The following RGS7 variants were observed in gnomAD, a reference collection of about 807,000 sequenced individuals.
The protein encoded by RGS7 is regulator of G protein signaling 7.
Under a neutral mutation model 81.1 loss-of-function variants are expected in RGS7, and 27 were observed. The observed-to-expected ratio is 0.33, with a 90% CI of 0.25 to 0.46. RGS7 has a LOEUF of 0.46. Among genes scored for constraint, RGS7 ranks in the 20% least tolerant of loss-of-function variants. RGS7 has a pLI of 1.00. For missense variants in RGS7, 396 were observed against 607.4 expected (o/e 0.65, Z 3.66); for synonymous variants, 208 against 207.7 (o/e 1.00, Z -0.01).
chr1:240,962,241 T>G (rs1346148440), intron 4 of RGS7, among the ~76,000 whole-genome samples: 2 of 152,138 alleles, frequency 1.3e-5, no homozygotes, highest in Non-Finnish European at 2.9e-5. Flanking sequence ...TAAGCTCTGG[T>G]GAATCTCCCT....
At position 241,038,776 on chromosome 1, in the gene RGS7, A is replaced by C. The variant is rs78873786; in HGVS notation, c.176-55647T>G. Among the ~76,000 whole-genome samples, 1,164 of 152,248 alleles carry C rather than the reference A, an allele frequency of 7.6e-3. 18 individuals are homozygous for C. Among genetic ancestry groups the C allele is most frequent in the African/African-American group, 0.027 (1,114 of 41,560 alleles). ...GAAGCCAAGGTGGGAGGACTGCTTAAGACCAGCCTGGGCAATACAGCGAGA... is the reference window on the plus strand; with the variant it reads ...GAAGCCAAGGTGGGAGGACTGCTTACGACCAGCCTGGGCAATACAGCGAGA... On this transcript the variant is annotated intron_variant, in intron 3 of 18. Transcript: ENST00000440928.
rs758531037 is a variant in RGS7, at chr1:240,983,118, C to T, written c.187G>A (p.Val63Ile). ...IPSVFSGSDI[V>I]QWLIKNLTIE... is the part of the protein sequence containing the mutation. ...GTTAAGTTCTTTATCAACCATTGAA[C>T]AATGTCTGAACCTAGAAAAAGAAAA... is the stretch of plus-strand genomic sequence containing the variant. The change falls in exon 4 of 19, where the codon GTT (valine) becomes ATT (isoleucine). Residue 63 changes from valine to isoleucine, a missense_variant. Val to Ile is a conservative substitution (Grantham distance 29, BLOSUM62 3). Transcript: ENST00000440928. 1 of 1,528,758 alleles carries T rather than the reference C, an allele frequency of 6.5e-7. No individual in the cohort carries two copies. The highest frequency in any genetic ancestry group is 9.0e-7 in the Non-Finnish European group (1 of 1,108,410). 94.7% of individuals were successfully genotyped at this position (1,528,758 alleles called of 1,614,324 possible). A position where few individuals can be genotyped will look rare whatever the true frequency, so the allele number is the denominator to read the frequency against.
intron 9 of RGS7, among the ~76,000 whole-genome samples, chr1:240,859,276 A>C (rs1572452930): frequency 6.6e-6 from 1 of 152,152 alleles, no homozygotes; most frequent in Admixed American, 6.5e-5. Context: ...CTGGGATTAC[A>C]GGCATGAGCC....
chr1:241,273,179 C>CG (rs1553305853), intron 2 of RGS7, among the ~76,000 whole-genome samples: 2 of 114,118 alleles, frequency 1.8e-5, no homozygotes, highest in Non-Finnish European at 2.0e-5. Flanking sequence ...TAATGAACCC[C>CG]CCCCCCCAAA....
rs945322101 is a variant in RGS7 at position 241,049,575 on chromosome 1, A to T, written c.175+49091T>A. Among the ~76,000 whole-genome samples the T allele has an allele frequency of 2.6e-5, 4 of 152,248 alleles. No homozygotes were observed. The East Asian group carries it at 7.7e-4, about 29-fold the overall frequency. ...TACCTTTAATCACAATTGTCTGTGGACAACTTTTGTAATATATCCCAATGT... is the reference window on the plus strand; with the variant it reads ...TACCTTTAATCACAATTGTCTGTGGTCAACTTTTGTAATATATCCCAATGT... On this transcript the variant is annotated intron_variant, in intron 3 of 18. Transcript: ENST00000440928.
chr1:240,809,927 T>C (rs1689556685), intron 14 of RGS7, among the ~76,000 whole-genome samples: 2 of 152,170 alleles, frequency 1.3e-5, no homozygotes, highest in African/African-American at 4.8e-5. Context: ...ATATAATCAC[T>C]TAGCCTAGAG....
intron 2 of RGS7, among the ~76,000 whole-genome samples, chr1:241,196,019 A>G (rs1311664673): frequency 6.6e-6 from 1 of 152,178 alleles, no homozygotes; most frequent in Non-Finnish European, 1.5e-5. Context: ...AAGAATACAA[A>G]GAAAACCACA....
intron 4 of RGS7, among the ~76,000 whole-genome samples, chr1:240,956,652 G>C (rs1376712186): frequency 6.6e-6 from 1 of 152,050 alleles, no homozygotes; most frequent in Admixed American, 6.6e-5. Context: ...CATGTTTATA[G>C]TGTACACACT....
Position 241,144,360 on chromosome 1 carries a change from A to G in RGS7, c.79-45598T>C, listed in dbSNP as rs72758861. Among the ~76,000 whole-genome samples, 807 of 152,240 alleles carry G rather than the reference A, an allele frequency of 5.3e-3. 2 individuals carry two copies. Among genetic ancestry groups the G allele is most frequent in the Admixed American group, 0.011 (172 of 15,288 alleles). ...CGCACAGGCACACACATCCAAATAC[A>G]CTGCAGGTAAGACCCACTACTACTA... On this transcript the variant is annotated intron_variant, in intron 2 of 18. Coordinates refer to ENST00000440928, the MANE Select transcript of RGS7 (RefSeq NM_001364886.1). The surrounding 1 kb of genome is among the most constrained non-coding windows in gnomAD (Gnocchi z 4.7).
chr1:241,104,011 C>A (rs2064944513), intron 2 of RGS7, among the ~76,000 whole-genome samples: 1 of 152,180 alleles, frequency 6.6e-6, no homozygotes, highest in South Asian at 2.1e-4. Flanking sequence ...GAGTTTGAAT[C>A]CTGACTGTAC....
chr1:241,091,375 C>T (rs1354761016), intron 3 of RGS7, among the ~76,000 whole-genome samples: 2 of 151,590 alleles, frequency 1.3e-5, no homozygotes, highest in South Asian at 2.1e-4. Flanking sequence ...GGTGAAACCC[C>T]GTCTCTATTA....
intron 2 of RGS7, among the ~76,000 whole-genome samples, chr1:241,304,151 A>C (rs2079940191): frequency 6.6e-6 from 1 of 152,190 alleles, no homozygotes; most frequent in Non-Finnish European, 1.5e-5. Context: ...GCCCGGGCTC[A>C]AACTTCTGAG....
At chr1:240,907,507 G>A (rs1367162464) in intron 6 of RGS7, among the ~76,000 whole-genome samples, 1 of 152,096 alleles carries the variant, frequency 6.6e-6, no homozygotes. Flanking sequence ...AGTTAGATAT[G>A]TGTTTCCTTT....
At chr1:240,863,346 G>T (rs1362780188) in intron 9 of RGS7, among the ~76,000 whole-genome samples, 1 of 152,058 alleles carries the variant, frequency 6.6e-6, no homozygotes, top group African/African-American at 2.4e-5. Context: ...GTGGTGGCAT[G>T]CGCCTGTAAT....
At chr1:241,313,547 A>T (rs2080680407) in intron 2 of RGS7, among the ~76,000 whole-genome samples, 1 of 152,272 alleles carries the variant, frequency 6.6e-6, no homozygotes, top group Admixed American at 6.5e-5. Context: ...ATGAAGATCT[A>T]TGAAAAGATT....
intron 2 of RGS7, among the ~76,000 whole-genome samples, chr1:241,237,834 G>A (rs1344511405): frequency 1.3e-5 from 2 of 152,194 alleles, no homozygotes; most frequent in African/African-American, 4.8e-5. Context: ...AAAGCTGTCA[G>A]TGCAGCTTTT....
chr1:240,990,996 T>C (rs1686373127), intron 3 of RGS7, among the ~76,000 whole-genome samples: 1 of 152,214 alleles, frequency 6.6e-6, no homozygotes, highest in South Asian at 2.1e-4. Flanking sequence ...ACAGAAAATG[T>C]TGGGTTTTGT....
At chr1:240,971,267 C>T (rs1267896189) in intron 4 of RGS7, among the ~76,000 whole-genome samples, 1 of 152,176 alleles carries the variant, frequency 6.6e-6, no homozygotes, top group Non-Finnish European at 1.5e-5. Flanking sequence ...TGACCTTGGA[C>T]TTCCCAGTTT....
chr1:241,195,837 A>C (rs2073030876), intron 2 of RGS7, among the ~76,000 whole-genome samples: 1 of 152,124 alleles, frequency 6.6e-6, no homozygotes, highest in Admixed American at 6.5e-5. Context: ...AAGAGCATGC[A>C]AAATTTATGG....
Sources: gnomAD v4.1 joint callset for allele counts (sites outside exome capture counted in the v4.1 genomes callset) on GRCh38, gnomAD v4.1.1 for gene constraint, Gnocchi (gnomAD v3.1) non-coding constraint, MANE v1.5 for transcripts, NCBI Gene and HGNC (gene_info 2026-07-23, HGNC 2026-07-21) for gene names.